Variants in RELN observed in about 807,000 individuals in gnomAD.
The protein encoded by RELN is reelin.
Under a neutral mutation model 427.6 loss-of-function variants are expected in RELN, and 108 were observed. That is an observed-to-expected ratio of 0.25 (90% CI 0.22 to 0.30). RELN has a LOEUF of 0.30. Among genes scored for constraint, RELN ranks in the 10% least tolerant of loss-of-function variants. RELN has a pLI of 1.00. For synonymous variants in RELN, 1,524 were observed against 1,513.4 expected, an observed-to-expected ratio of 1.01 and a Z score of -0.16; for missense variants, 3,715 against 4,302.8, an observed-to-expected ratio of 0.86 and a Z score of 3.82.
chr7:103,736,482 T>C (rs1790495277), intron 6 of RELN, among the ~76,000 whole-genome samples: 1 of 152,168 alleles, frequency 6.6e-6, no homozygotes, highest in South Asian at 2.1e-4. Context: ...AATGCGAAAA[T>C]GACAAACTCC....
intron 3 of RELN, among the ~76,000 whole-genome samples, chr7:103,784,093 T>G (rs1791959454): frequency 6.6e-6 from 1 of 152,098 alleles, no homozygotes; most frequent in Admixed American, 6.6e-5. Context: ...ACATTTTATT[T>G]TGTTCATATG....
intron 4 of RELN, among the ~76,000 whole-genome samples, chr7:103,769,677 C>T (rs756264245): frequency 2.6e-5 from 4 of 152,186 alleles, no homozygotes; most frequent in Non-Finnish European, 4.4e-5. Flanking sequence ...CTCTGACATC[C>T]AGAACCTGGC....
chr7:103,845,948 A>G (rs928406967), intron 2 of RELN, among the ~76,000 whole-genome samples: 6 of 152,212 alleles, frequency 3.9e-5, no homozygotes, highest in Non-Finnish European at 5.9e-5. Flanking sequence ...ACACTGCCCA[A>G]ACATTCCATG....
chr7:103,585,238 A>G (rs1020524718), intron 28 of RELN, among the ~76,000 whole-genome samples: 10 of 152,296 alleles, frequency 6.6e-5, no homozygotes, highest in Middle Eastern at 3.4e-3. Flanking sequence ...GAAACCAAGA[A>G]AAAGAATACA....
chr7:103,791,689 T>C (rs1156451453), intron 3 of RELN, among the ~76,000 whole-genome samples: 1 of 151,914 alleles, frequency 6.6e-6, no homozygotes, highest in Non-Finnish European at 1.5e-5. Flanking sequence ...GTTTCTTAAA[T>C]ATAACATGAA....
At chr7:103,490,398 T>G (rs924100285) in intron 59 of RELN, among the ~76,000 whole-genome samples, 24 of 152,140 alleles carry the variant, frequency 1.6e-4, no homozygotes, top group African/African-American at 4.8e-4. Context: ...GGCCTGTGAT[T>G]GAGTTTGGTA....
At chr7:103,574,413 G>A in intron 29 of RELN, 114 bp from the exon 30 acceptor site, 1 of 870,070 alleles carries the variant, frequency 1.1e-6, no homozygotes, top group Non-Finnish European at 1.9e-6. Flanking sequence ...TAGGGAGAGA[G>A]GCCACATGAA....
At chr7:103,695,924 T>C (rs1283742445) in intron 10 of RELN, among the ~76,000 whole-genome samples, 1 of 152,174 alleles carries the variant, frequency 6.6e-6, no homozygotes, top group Non-Finnish European at 1.5e-5. Context: ...ACTGCTTGTA[T>C]TGAGCAAAGA....
chr7:103,581,349 T>C (rs1181055066), intron 28 of RELN, among the ~76,000 whole-genome samples: 1 of 152,138 alleles, frequency 6.6e-6, no homozygotes, highest in African/African-American at 2.4e-5. Context: ...CTTGTGGTTA[T>C]CCTGACATTT....
At chr7:103,877,239 T>G (rs1216541870) in intron 2 of RELN, among the ~76,000 whole-genome samples, 1 of 152,178 alleles carries the variant, frequency 6.6e-6, no homozygotes, top group East Asian at 1.9e-4. Context: ...AAACAGTTCA[T>G]TTCCAAGTTT....
At chr7:103,559,963 T>C (rs772510006) in intron 36 of RELN, among the ~76,000 whole-genome samples, 10 of 152,246 alleles carry the variant, frequency 6.6e-5, no homozygotes, top group Non-Finnish European at 1.5e-4. Context: ...AAGTCACTCA[T>C]AAAGGGACCT....
At chr7:103,798,251 A>C (rs1792358454) in intron 3 of RELN, among the ~76,000 whole-genome samples, 1 of 152,230 alleles carries the variant, frequency 6.6e-6, no homozygotes, top group African/African-American at 2.4e-5. Flanking sequence ...TTTAAGGAGA[A>C]AGGTATTGTG....
In RELN at chr7:103,491,856, T is replaced by TCTCTCTCTCTCTCACACACA. The variant is rs57217576; in HGVS notation, c.9443+96_9443+97insTGTGTGTGAGAGAGAGAGAG. 1.4e-5 allele frequency: 4 copies of TCTCTCTCTCTCTCACACACA among 288,606 alleles called. No homozygotes were observed. The African/African-American group carries it at 1.5e-4, about 10-fold the overall frequency. 17.9% of individuals were successfully genotyped at this position (288,606 alleles called of 1,614,324 possible). ...CTCTCTCTCTCTCTCTCTCTCTCTC[T>TCTCTCTCTCTCTCACACACA]CACACACACACACACACACACACAC... On this transcript the variant is annotated intron_variant, in intron 58 of 64. Transcript: ENST00000428762.
At chr7:103,916,159 G>A (rs987822613) in intron 2 of RELN, among the ~76,000 whole-genome samples, 2 of 152,112 alleles carry the variant, frequency 1.3e-5, no homozygotes, top group African/African-American at 4.8e-5. Context: ...CTGTTGCTCT[G>A]ACATCAGCCA....
In RELN at chr7:103,971,152, CAAAAAAA is replaced by C. The variant is rs559162833; in HGVS notation, c.226+17972_226+17978del. The stretch of plus-strand genomic sequence containing the variant: ...GGGCGACAAGAGTGAGACTCTATCT[CAAAAAAA>C]AAAAAAAAAAGAAAAAGGGAAAAAA... On this transcript the variant is annotated intron_variant, in intron 1 of 64. Coordinates refer to ENST00000428762, the MANE Select transcript of RELN (RefSeq NM_005045.4). Among the ~76,000 whole-genome samples, 42 of 81,276 alleles carry C rather than the reference CAAAAAAA, an allele frequency of 5.2e-4. No individual in the cohort carries two copies. The South Asian group carries it at 7.3e-3, about 14-fold the overall frequency. The allele number at this position is 81,276 out of a possible 152,430, so 53.3% of individuals were successfully genotyped here. A position where few individuals can be genotyped will look rare whatever the true frequency, so the allele number is the denominator to read the frequency against.
At position 103,866,646 on chromosome 7, in the gene RELN, C is replaced by T. The variant is rs559621725; in HGVS notation, c.338-32974G>A. On this transcript the variant is annotated intron_variant, in intron 2 of 64. Transcript: ENST00000428762. ...AACACCTATATTTCTGATAGGCATC[C>T]CTATCAGAAAGATTTTTATAACATG... Among the ~76,000 whole-genome samples the T allele has an allele frequency of 2.3e-3, 355 of 151,788 alleles. 2 individuals are homozygous for T. The highest frequency in any genetic ancestry group is 8.3e-3 in the African/African-American group (344 of 41,374).
chr7:103,651,132 A>T (rs1469181954), intron 15 of RELN, among the ~76,000 whole-genome samples: 1 of 152,040 alleles, frequency 6.6e-6, no homozygotes, highest in Non-Finnish European at 1.5e-5. Flanking sequence ...TTCCCAACTT[A>T]ATTTTGCCAT....
intron 28 of RELN, among the ~76,000 whole-genome samples, chr7:103,583,863 T>G (rs745410521): frequency 4.6e-5 from 7 of 152,134 alleles, no homozygotes; most frequent in Non-Finnish European, 1.0e-4. Context: ...ACACAAACTC[T>G]GACACTAGCA....
At position 103,698,216 on chromosome 7, in the gene RELN, T is replaced by A. The variant is rs1270620882; in HGVS notation, c.903-123A>T. 3.3e-6 allele frequency: 4 copies of A among 1,206,314 alleles called. No individual in the cohort carries two copies. In the African/African-American group the frequency reaches 6.0e-5, roughly 18 times the overall value. The allele number at this position is 1,206,314 out of a possible 1,614,324, so 74.7% of individuals were successfully genotyped here. On this transcript the variant is annotated intron_variant, in intron 9 of 64. Transcript: ENST00000428762. ...AATGTTATATTTATTACAGATAAAA[T>A]AGCTACAATCTCATAGCCCTTAAAT...
Sources: allele counts gnomAD v4.1 joint callset (sites outside exome capture counted in the v4.1 genomes callset), GRCh38; gene constraint gnomAD v4.1.1; transcripts MANE v1.5; gene names NCBI Gene and HGNC (gene_info 2026-07-23, HGNC 2026-07-21).